MKLN1: variants seen among roughly 807,000 people sequenced by gnomAD.
The protein encoded by MKLN1 is muskelin.
In MKLN1, 18 loss-of-function variants were observed where a neutral mutation model predicts 99.0. That is an observed-to-expected ratio of 0.18 (90% confidence interval 0.13 to 0.27). The LOEUF (loss-of-function observed/expected upper bound fraction) is 0.27. MKLN1 is among the 10% of genes least tolerant of loss of function. The probability of loss-of-function intolerance (pLI) is 1.00; values close to 1 mark genes in which losing one functional copy is unlikely to be tolerated. For missense variants in MKLN1, 621 were observed against 875.9 expected (o/e 0.71, Z 3.67); for synonymous variants, 288 against 293.2 (o/e 0.98, Z 0.18).
At position 131,340,929 on chromosome 7, in the gene MKLN1, G is replaced by A. The variant is rs188233448; in HGVS notation, c.98+12932G>A. Among the ~76,000 whole-genome samples the A allele has an allele frequency of 2.0e-5, 3 of 152,176 alleles. No individual in the cohort carries two copies. In the East Asian group the frequency reaches 5.8e-4, roughly 29 times the overall value. The stretch of plus-strand genomic sequence containing the variant: ...GGAGGTATTATATTTGGAAAGACTT[G>A]TAACAGTAGAAAGCTTTTTATTTAA... On this transcript the variant is annotated intron_variant, in intron 1 of 17. Coordinates refer to ENST00000352689, the MANE Select transcript of MKLN1 (RefSeq NM_013255.5).
intron 1 of MKLN1, among the ~76,000 whole-genome samples, chr7:131,134,161 C>T (rs1795612564): frequency 6.6e-6 from 1 of 152,130 alleles, no homozygotes; most frequent in Non-Finnish European, 1.5e-5. Context: ...AAACTGTGCT[C>T]ATCAGGTCTT....
At chr7:131,463,901 G>A (rs1796587486) in intron 13 of MKLN1, among the ~76,000 whole-genome samples, 1 of 152,094 alleles carries the variant, frequency 6.6e-6, no homozygotes, top group African/African-American at 2.4e-5. Context: ...TTCATAATGG[G>A]GAATAGTGCT....
rs58800874 is a variant in MKLN1, at chr7:131,202,146, CTTTTTTTTTTTTTTTT to C, written c.-296-694_-296-679del. On this transcript the variant is annotated intron_variant, in intron 2 of 7. Transcript: ENST00000416992. ...GGTTTCTCCACTTTGGCACTATTGACTTTTTTTTTTTTTTTTTTTTTTTTTTTTTTTTGAGATGTTG... is the reference window on the plus strand; with the variant it reads ...GGTTTCTCCACTTTGGCACTATTGACTTTTTTTTTTTTTTTTGAGATGTTG... 6.6e-5 allele frequency among the ~76,000 whole-genome samples: 4 copies of C among 60,276 alleles called. No individual in the cohort carries two copies. The East Asian group carries it at 1.8e-3, about 27-fold the overall frequency. The allele number at this position is 60,276 out of a possible 152,430, so 39.5% of individuals were successfully genotyped here.
intron 1 of MKLN1, among the ~76,000 whole-genome samples, chr7:131,355,088 T>C (rs1799833975): frequency 6.6e-6 from 1 of 152,128 alleles, no homozygotes; most frequent in Admixed American, 6.6e-5. Context: ...CCCACTCTTT[T>C]ATTTCACTGT....
At chr7:131,238,592 G>A (rs550572480) in intron 3 of MKLN1, among the ~76,000 whole-genome samples, 154 of 152,332 alleles carry the variant, frequency 1.0e-3, no homozygotes, top group African/African-American at 3.5e-3. Context: ...TGAGGTTGCT[G>A]TCTGTGTTAA....
Position 131,387,106 on chromosome 7 carries a change from G to A in MKLN1, c.169-14G>A, listed in dbSNP as rs200563348. On this transcript the variant is annotated splice_polypyrimidine_tract_variant and intron_variant, in intron 2 of 17. Coordinates refer to ENST00000352689, the MANE Select transcript of MKLN1 (RefSeq NM_013255.5). ...AAACAGAAGAGGATATAATTTGGTCGTTTCTTTTTTTAGTACTTGATTCTA... is the reference window on the plus strand; with the variant it reads ...AAACAGAAGAGGATATAATTTGGTCATTTCTTTTTTTAGTACTTGATTCTA... 4.2e-4 allele frequency: 657 copies of A among 1,578,376 alleles called. No homozygotes were observed. Among genetic ancestry groups the A allele is most frequent in the Non-Finnish European group, 4.3e-4 (498 of 1,168,194 alleles).
chr7:131,449,886 A>G (rs558238279), intron 12 of MKLN1, among the ~76,000 whole-genome samples: 2 of 152,246 alleles, frequency 1.3e-5, no homozygotes, highest in East Asian at 1.9e-4. Flanking sequence ...AAATGACCCA[A>G]ATTAGATTTT....
At chr7:131,460,316 G>A (rs1796478124) in intron 12 of MKLN1, among the ~76,000 whole-genome samples, 1 of 152,124 alleles carries the variant, frequency 6.6e-6, no homozygotes, top group Non-Finnish European at 1.5e-5. Flanking sequence ...TATGAATAAA[G>A]GACTGTATCA....
chr7:131,303,546 G>A (rs760867103), intron 3 of MKLN1, among the ~76,000 whole-genome samples: 4 of 152,286 alleles, frequency 2.6e-5, no homozygotes, highest in Non-Finnish European at 5.9e-5. Context: ...AGTTAATACC[G>A]GAACCATGAG....
Position 131,111,187 on chromosome 7 carries a change from G to A in MKLN1, c.-419+980G>A, listed in dbSNP as rs556682982. ...AAGGGGTTGATGGGATTAACTGAAA[G>A]GCTAATGACTGTCTCAAAAGCACAT... On this transcript the variant is annotated intron_variant, in intron 1 of 7. Coordinates refer to the MKLN1 transcript ENST00000416992. 3.3e-5 allele frequency among the ~76,000 whole-genome samples: 5 copies of A among 152,238 alleles called. No individual in the cohort carries two copies. In the South Asian group the frequency reaches 1.0e-3, roughly 32 times the overall value.
chr7:131,110,533 A>G (rs1176104433), intron 1 of MKLN1, among the ~76,000 whole-genome samples: 2 of 152,038 alleles, frequency 1.3e-5, no homozygotes, highest in African/African-American at 2.4e-5. Context: ...GGAAAAGCCA[A>G]CCCACATCAT....
intron 15 of MKLN1, among the ~76,000 whole-genome samples, chr7:131,469,445 G>T (rs1264791888): frequency 6.6e-6 from 1 of 152,160 alleles, no homozygotes; most frequent in Non-Finnish European, 1.5e-5. Flanking sequence ...CAAAGCGTGG[G>T]TGCCAAAACC....
chr7:131,218,870 C>T (rs1280753869), intron 3 of MKLN1, among the ~76,000 whole-genome samples: 1 of 152,180 alleles, frequency 6.6e-6, no homozygotes. Flanking sequence ...CAAGCATTTT[C>T]TTCCCCTCTC....
At chr7:131,115,540 C>T (rs1390754130) in intron 1 of MKLN1, among the ~76,000 whole-genome samples, 2 of 152,118 alleles carry the variant, frequency 1.3e-5, no homozygotes, top group Non-Finnish European at 2.9e-5. Context: ...AGACATAAAT[C>T]AGATCATGTG....
At chr7:131,121,212 A>G (rs1795363358) in intron 1 of MKLN1, among the ~76,000 whole-genome samples, 1 of 152,140 alleles carries the variant, frequency 6.6e-6, no homozygotes, top group Non-Finnish European at 1.5e-5. Context: ...ACTCACTATC[A>G]CATGAACAGC....
intron 1 of MKLN1, among the ~76,000 whole-genome samples, chr7:131,337,048 T>C (rs2116712211): frequency 6.6e-6 from 1 of 152,348 alleles, no homozygotes; most frequent in Middle Eastern, 3.4e-3. Flanking sequence ...GTTCATTGTC[T>C]TCTAGCTTCC....
chr7:131,188,719 T>C (rs1796489270), intron 2 of MKLN1, among the ~76,000 whole-genome samples: 1 of 152,172 alleles, frequency 6.6e-6, no homozygotes, highest in Non-Finnish European at 1.5e-5. Flanking sequence ...CAAAGTCACA[T>C]TGCAAGGGGC....
At chr7:131,252,461 TG>T (rs1362845218) in intron 3 of MKLN1, among the ~76,000 whole-genome samples, 1 of 151,420 alleles carries the variant, frequency 6.6e-6, no homozygotes, top group African/African-American at 2.4e-5. Flanking sequence ...CCCGAGTAGC[TG>T]GGACTACAGG....
At chr7:131,275,365 GTTTT>G (rs909251138) in intron 3 of MKLN1, among the ~76,000 whole-genome samples, 2 of 105,202 alleles carry the variant, frequency 1.9e-5, no homozygotes, top group Non-Finnish European at 3.8e-5. Flanking sequence ...GTTGTTGTTG[GTTTT>G]TTTTTTTTTT....
Sources: allele counts gnomAD v4.1 joint callset (sites outside exome capture counted in the v4.1 genomes callset), GRCh38; gene constraint gnomAD v4.1.1; transcripts MANE v1.5; gene names NCBI Gene and HGNC (gene_info 2026-07-23, HGNC 2026-07-21).